The following UBR1 variants were observed in gnomAD, a reference collection of about 807,000 sequenced individuals.
UBR1 encodes ubiquitin protein ligase E3 component n-recognin 1, also known as E3 ubiquitin-protein ligase UBR1.
In UBR1, 102 loss-of-function variants were observed where a neutral mutation model predicts 242.1. The observed-to-expected ratio is 0.42, with a 90% CI of 0.36 to 0.50. UBR1 has a LOEUF of 0.50. UBR1 is among the 20% of genes least tolerant of loss of function. The pLI is 0.01. For synonymous variants in UBR1, 675 were observed against 684.8 expected (o/e 0.99, Z 0.22); for missense variants, 1,772 against 2,101.8 (o/e 0.84, Z 3.07).
At chr15:42,957,920 AAAAC>A in intron 44 of UBR1, 89 bp downstream of exon 44, 1 of 1,131,662 alleles carries the variant, frequency 8.8e-7, no homozygotes, top group Non-Finnish European at 1.3e-6. Context: ...CAAAAAAACA[AAAAC>A]AAGGAAGTGT....
intron 33 of UBR1, among the ~76,000 whole-genome samples, chr15:42,990,685 T>G (rs1459525174): frequency 6.6e-6 from 1 of 152,208 alleles, no homozygotes; most frequent in Non-Finnish European, 1.5e-5. Context: ...ACCTAATAGA[T>G]CATGAACATC....
At chr15:43,087,658 T>G (rs1350674772) in intron 1 of UBR1, among the ~76,000 whole-genome samples, 1 of 152,168 alleles carries the variant, frequency 6.6e-6, no homozygotes, top group Non-Finnish European at 1.5e-5. Flanking sequence ...TGTAGACAGT[T>G]ATTAAAATTT....
chr15:43,036,741 T>A, intron 17 of UBR1, 148 bp from the exon 18 acceptor site: 1 of 614,106 alleles, frequency 1.6e-6, no homozygotes. Context: ...TATGAATCAC[T>A]TAAAGGGACT....
chr15:43,047,391 G>GGTT, intron 13 of UBR1, 102 bp from the exon 14 acceptor site: 1 of 1,554,098 alleles, frequency 6.4e-7, no homozygotes, highest in Non-Finnish European at 8.8e-7. Flanking sequence ...ATTTTAACAT[G>GGTT]GTTGTTACAC....
At chr15:43,024,596 A>T (rs1478281480) in intron 25 of UBR1, among the ~76,000 whole-genome samples, 2 of 152,256 alleles carry the variant, frequency 1.3e-5, no homozygotes, top group Non-Finnish European at 2.9e-5. Context: ...TAGCATAAGT[A>T]CACCTGTTTT....
intron 3 of UBR1, among the ~76,000 whole-genome samples, chr15:43,078,905 CTT>C (rs1367282139): frequency 3.3e-5 from 5 of 151,740 alleles, no homozygotes; most frequent in Non-Finnish European, 7.4e-5. Context: ...ATAAATGAGA[CTT>C]AATTGAACTC....
At chr15:43,008,603 G>C (rs1367184192) in intron 29 of UBR1, among the ~76,000 whole-genome samples, 2 of 152,240 alleles carry the variant, frequency 1.3e-5, no homozygotes, top group Non-Finnish European at 2.9e-5. Flanking sequence ...GAAAGGGATG[G>C]GTCCCCAAGC....
chr15:43,043,901 AAATGGTACAGACT>A (rs1450541484), intron 14 of UBR1, among the ~76,000 whole-genome samples: 1 of 152,232 alleles, frequency 6.6e-6, no homozygotes, highest in Non-Finnish European at 1.5e-5. Flanking sequence ...AGTACCATGT[AAATGGTACAGACT>A]AATTGCTCTA....
At chr15:43,092,103 A>G in intron 1 of UBR1, 1 of 420,896 alleles carries the variant, frequency 2.4e-6, no homozygotes, top group Non-Finnish European at 4.8e-6. Flanking sequence ...AACAAATTAT[A>G]CTCTTGGCTG....
At chr15:42,950,692 T>C in intron 45 of UBR1, 1 of 334,174 alleles carries the variant, frequency 3.0e-6, no homozygotes, top group South Asian at 2.9e-5. Context: ...TCTATTCTAA[T>C]TCCTGACACA....
intron 29 of UBR1, among the ~76,000 whole-genome samples, chr15:43,011,207 T>C (rs187309636): frequency 2.4e-4 from 36 of 150,752 alleles, no homozygotes; most frequent in African/African-American, 8.8e-4. Context: ...GTTAAAAAAA[T>C]ATGAGAGAAT....
chr15:43,040,854 C>T (rs1479231424), intron 15 of UBR1, among the ~76,000 whole-genome samples: 1 of 152,162 alleles, frequency 6.6e-6, no homozygotes, highest in East Asian at 1.9e-4. Flanking sequence ...TTCATCATCA[C>T]TGGCCATCAG....
At chr15:43,103,815 G>A (rs1380750995) in intron 1 of UBR1, among the ~76,000 whole-genome samples, 1 of 152,182 alleles carries the variant, frequency 6.6e-6, no homozygotes, top group African/African-American at 2.4e-5. Flanking sequence ...AAACAATAAG[G>A]AGTAGGGGGA....
At chr15:43,024,755 T>G in intron 25 of UBR1, 74 bp downstream of exon 25, 2 of 1,603,932 alleles carry the variant, frequency 1.2e-6, no homozygotes, top group Non-Finnish European at 1.7e-6. Context: ...CAACTGAAGT[T>G]AGACCTGAGA....
At chr15:42,952,770 A>T (rs543324486) in intron 44 of UBR1, among the ~76,000 whole-genome samples, 7 of 152,324 alleles carry the variant, frequency 4.6e-5, no homozygotes, top group African/African-American at 1.7e-4. Context: ...TTCATCTGAC[A>T]TGCCCAATTT....
chr15:42,986,014 A>C (rs2032453953), intron 35 of UBR1, among the ~76,000 whole-genome samples: 1 of 148,688 alleles, frequency 6.7e-6, no homozygotes, highest in Non-Finnish European at 1.5e-5. Flanking sequence ...AAAAAAAAAG[A>C]GAAAGAAAAA....
chr15:42,988,677 G>A, intron 35 of UBR1, 142 bp downstream of exon 35: 2 of 1,126,530 alleles, frequency 1.8e-6, no homozygotes, highest in Non-Finnish European at 2.7e-6. Context: ...AATGGCATGA[G>A]CCACACTAAT....
intron 32 of UBR1, among the ~76,000 whole-genome samples, chr15:43,002,098 T>A (rs1013941822): frequency 6.6e-6 from 1 of 152,228 alleles, no homozygotes; most frequent in Non-Finnish European, 1.5e-5. Context: ...AAAATTAGGC[T>A]TTTGATCACA....
At chr15:43,002,137 T>C (rs2032735224) in intron 32 of UBR1, among the ~76,000 whole-genome samples, 1 of 152,122 alleles carries the variant, frequency 6.6e-6, no homozygotes, top group South Asian at 2.1e-4. Flanking sequence ...AGATATAAAA[T>C]GAAAAAGTAT....
Sources: allele counts gnomAD v4.1 joint callset (sites outside exome capture counted in the v4.1 genomes callset), GRCh38; gene constraint gnomAD v4.1.1; transcripts MANE v1.5; gene names NCBI Gene and HGNC (gene_info 2026-07-23, HGNC 2026-07-21).